NHSL2: variants seen among roughly 807,000 people sequenced by gnomAD.
The protein encoded by NHSL2 is NHS-like protein 2.
Under a neutral mutation model 53.4 loss-of-function variants are expected in NHSL2, and 27 were observed. The ratio of observed to expected loss-of-function variants is 0.51; its 90% confidence interval spans 0.37 to 0.70. The LOEUF (loss-of-function observed/expected upper bound fraction) is 0.70, where lower values mean the gene tolerates loss of function less well. NHSL2 is among the 30% of genes least tolerant of loss of function. The pLI is 0.00. For synonymous variants in NHSL2, 408 were observed against 404.1 expected (o/e 1.01, Z -0.12); for missense variants, 892 against 980.1 (o/e 0.91, Z 1.20).
intron 5 of NHSL2, among the ~76,000 whole-genome samples, chrX:72,138,014 T>C (rs2042374665): frequency 9.0e-6 from 1 of 111,582 alleles, no homozygotes; most frequent in Non-Finnish European, 1.9e-5. Context: ...GCTTTGCATC[T>C]TGGGCATGCT....
intron 1 of NHSL2, among the ~76,000 whole-genome samples, chrX:72,049,730 A>C (rs142091495): frequency 0.026 from 2,747 of 107,634 alleles, 95 homozygotes; most frequent in African/African-American, 0.09. Context: ...GATAGAAATT[A>C]TCTAGAAAAC....
At chrX:72,120,169 T>A (rs1476433538) in intron 1 of NHSL2, among the ~76,000 whole-genome samples, 2 of 112,292 alleles carry the variant, frequency 1.8e-5, no homozygotes, top group Non-Finnish European at 3.8e-5. Flanking sequence ...CTGTAGTTTT[T>A]TCGTGATGTT....
intron 1 of NHSL2, among the ~76,000 whole-genome samples, chrX:72,126,732 C>T (rs1412275030): frequency 8.9e-6 from 1 of 111,924 alleles, no homozygotes; most frequent in Non-Finnish European, 1.9e-5. Context: ...CACCAGCTAA[C>T]TCACTGGTAT....
At chrX:71,938,244 G>A (rs1026443807) in intron 1 of NHSL2, among the ~76,000 whole-genome samples, 6 of 112,141 alleles carry the variant, frequency 5.4e-5, no homozygotes, top group Non-Finnish European at 9.4e-5. Context: ...CCTGAGTTTT[G>A]TCCATCCCTG....
intron 1 of NHSL2, among the ~76,000 whole-genome samples, chrX:72,115,114 C>G (rs1328830282): frequency 9.0e-6 from 1 of 111,436 alleles, no homozygotes; most frequent in Non-Finnish European, 1.9e-5. Flanking sequence ...GGCAGAGTCT[C>G]AAAGCCAGGT....
chrX:71,963,962 CATATATATATACATATAT>C (rs1318581052), intron 1 of NHSL2, among the ~76,000 whole-genome samples: 5 of 48,674 alleles, frequency 1.0e-4, no homozygotes, highest in African/African-American at 4.5e-4. Context: ...TATATATACA[CATATATATATACATATAT>C]ATATATATAT....
At chrX:71,914,841 G>A (rs1186321855) in intron 1 of NHSL2, among the ~76,000 whole-genome samples, 1 of 110,967 alleles carries the variant, frequency 9.0e-6, no homozygotes, top group Admixed American at 9.6e-5. Context: ...ATGAAGAGAA[G>A]AGATGGCCTC....
At chrX:71,944,152 C>T (rs147826614) in intron 1 of NHSL2, among the ~76,000 whole-genome samples, 1 of 112,504 alleles carries the variant, frequency 8.9e-6, no homozygotes, top group East Asian at 2.8e-4. Flanking sequence ...AATGCCTGCC[C>T]ACCTCACTCT....
At chrX:72,045,298 G>A (rs1432547158) in intron 1 of NHSL2, among the ~76,000 whole-genome samples, 1 of 112,346 alleles carries the variant, frequency 8.9e-6, no homozygotes, top group Non-Finnish European at 1.9e-5. Flanking sequence ...GGAGGGATTA[G>A]CAGAGTCCCA....
intron 1 of NHSL2, among the ~76,000 whole-genome samples, chrX:71,945,138 G>A (rs1340242394): frequency 1.8e-5 from 2 of 112,181 alleles, no homozygotes; most frequent in Non-Finnish European, 3.8e-5. Flanking sequence ...GGGGTCATCC[G>A]TTGGGGAGTC....
intron 1 of NHSL2, among the ~76,000 whole-genome samples, chrX:72,092,749 C>A (rs776569943): frequency 9.4e-6 from 1 of 105,823 alleles, no homozygotes; most frequent in East Asian, 2.8e-4. Context: ...TCAGCAAATT[C>A]ATTAACTGCA....
chrX:72,121,430 CA>C (rs1315652949), intron 1 of NHSL2, among the ~76,000 whole-genome samples: 1 of 111,728 alleles, frequency 9.0e-6, no homozygotes, highest in African/African-American at 3.3e-5. Flanking sequence ...TAAAATGGAG[CA>C]AAGCCCACCA....
At chrX:71,914,335 A>G (rs1386341618) in intron 1 of NHSL2, among the ~76,000 whole-genome samples, 1 of 112,427 alleles carries the variant, frequency 8.9e-6, no homozygotes, top group Non-Finnish European at 1.9e-5. Context: ...AAGCTTTCCA[A>G]CTTCTCCCTT....
intron 1 of NHSL2, among the ~76,000 whole-genome samples, chrX:71,968,309 T>C (rs964257984): frequency 2.7e-5 from 3 of 111,192 alleles, no homozygotes; most frequent in Non-Finnish European, 5.7e-5. Context: ...CTCTTCACAC[T>C]GTCATGCTTG....
intron 1 of NHSL2, among the ~76,000 whole-genome samples, chrX:72,104,146 A>G (rs996483306): frequency 8.9e-6 from 1 of 111,873 alleles, no homozygotes; most frequent in Admixed American, 9.4e-5. Context: ...CTCGAACAGG[A>G]GCCACAGATG....
intron 1 of NHSL2, among the ~76,000 whole-genome samples, chrX:72,051,548 A>G (rs139555245): frequency 4.8e-4 from 53 of 111,349 alleles, no homozygotes; most frequent in African/African-American, 1.7e-3. Flanking sequence ...CTGTCATACC[A>G]GGTGATCATC....
intron 1 of NHSL2, among the ~76,000 whole-genome samples, chrX:72,064,246 C>G (rs1211438493): frequency 8.9e-6 from 1 of 111,749 alleles, no homozygotes; most frequent in Non-Finnish European, 1.9e-5. Context: ...CTACAGCCCA[C>G]TGGAGTCAGA....
intron 1 of NHSL2, among the ~76,000 whole-genome samples, chrX:71,993,917 T>G (rs1796074801): frequency 9.0e-6 from 1 of 111,493 alleles, no homozygotes; most frequent in Non-Finnish European, 1.9e-5. Flanking sequence ...CAAGCCACAT[T>G]CAGCCTTCTG....
chrX:72,068,922 G>A (rs911767085), intron 1 of NHSL2, among the ~76,000 whole-genome samples: 1 of 112,371 alleles, frequency 8.9e-6, no homozygotes, highest in East Asian at 2.8e-4. Context: ...GGCTGTGCTA[G>A]CTCCAAGTCT....
Sources: allele counts gnomAD v4.1 joint callset (sites outside exome capture counted in the v4.1 genomes callset), GRCh38; gene constraint gnomAD v4.1.1; transcripts MANE v1.5; gene names NCBI Gene and HGNC (gene_info 2026-07-23, HGNC 2026-07-21).